The following MIGA2 variants were observed in gnomAD, a reference collection of about 807,000 sequenced individuals.
MIGA2 encodes the protein mitoguardin 2, also known as family with sequence similarity 73, member B.
Under a neutral mutation model 69.9 loss-of-function variants are expected in MIGA2, and 36 were observed. The observed-to-expected ratio is 0.52, with a 90% CI of 0.39 to 0.68. The LOEUF is 0.68. Ranked by LOEUF, MIGA2 falls within the 30% of genes least tolerant of loss-of-function variation. The pLI, the probability that MIGA2 is intolerant of heterozygous loss-of-function variation, is 0.00. For synonymous variants in MIGA2, 333 were observed against 349.2 expected (o/e 0.95, Z 0.52); for missense variants, 660 against 787.7 (o/e 0.84, Z 1.94).
At chr9:129,042,029 C>T (rs758007979) in intron 2 of MIGA2, 2 of 472,616 alleles carry the variant, frequency 4.2e-6, no homozygotes, top group East Asian at 7.5e-5. Flanking sequence ...GGTGCTTGTT[C>T]ACTGCGGCTT....
rs573797409 is a variant in MIGA2 at position 129,059,252 on chromosome 9, C to T, written c.774C>T (p.Asp258=). Residue 258 remains aspartate (D), a synonymous_variant, in exon 7 of 16, where the codon GAC becomes GAT. Transcript: ENST00000684074. The surrounding 1 kb of genome is among the most constrained non-coding windows in gnomAD (Gnocchi z 5.6). ...QEEFGSTFPA[D]SMLLDLERTL... is the part of the protein sequence containing the mutation. ...AGTTCGGCTCCACCTTCCCCGCAGA[C>T]AGCATGCTGCTAGACCTCGGTGAGC... 6 of 1,585,356 alleles carry T rather than the reference C, an allele frequency of 3.8e-6. No homozygotes were observed. The highest frequency in any genetic ancestry group is 5.2e-6 in the Non-Finnish European group (6 of 1,164,558).
At chr9:129,037,973 G>A (rs17508279) in intron 1 of MIGA2, among the ~76,000 whole-genome samples, 1 of 152,280 alleles carries the variant, frequency 6.6e-6, no homozygotes, top group African/African-American at 2.4e-5. Context: ...TGGACCCAAA[G>A]CCTGTCGTGG....
chr9:129,040,459 G>T lies in MIGA2; in HGVS notation c.-136G>T. 5 of 1,411,612 alleles carry T rather than the reference G, an allele frequency of 3.5e-6. No individual in the cohort carries two copies. The highest frequency in any genetic ancestry group is 4.7e-6 in the Non-Finnish European group (5 of 1,071,726). 87.4% of individuals were successfully genotyped at this position (1,411,612 alleles called of 1,614,324 possible). On this transcript the variant is annotated 5_prime_UTR_variant, in exon 2 of 16. Transcript: ENST00000684074. Reference sequence around the variant, plus strand: ...TGGTCATCTGTCTCTTAGCTCTGTGGAGGGGCCCTCTGGTATGTGTGTCCC... The same window carrying T: ...TGGTCATCTGTCTCTTAGCTCTGTGTAGGGGCCCTCTGGTATGTGTGTCCC...
At chr9:129,054,594 C>G (rs1174811582) in intron 6 of MIGA2, among the ~76,000 whole-genome samples, 3 of 152,218 alleles carry the variant, frequency 2.0e-5, no homozygotes. Context: ...ACGGACGTTT[C>G]TAGAAATGGG....
chr9:129,044,669 C>T (rs1845113358), intron 3 of MIGA2, among the ~76,000 whole-genome samples: 1 of 151,774 alleles, frequency 6.6e-6, no homozygotes, highest in Non-Finnish European at 1.5e-5. Flanking sequence ...TCTCCTGCCT[C>T]AGCCTCCCGA....
intron 6 of MIGA2, among the ~76,000 whole-genome samples, chr9:129,055,853 A>C (rs910805950): frequency 1.3e-5 from 2 of 151,810 alleles, no homozygotes; most frequent in African/African-American, 2.4e-5. Context: ...CATCTGAAAA[A>C]AAAAAAAAAA....
rs935025600 is a variant in MIGA2, at chr9:129,067,867, G to A, written c.1265G>A (p.Arg422Gln). 5.0e-6 allele frequency: 8 copies of A among 1,610,658 alleles called. No homozygotes were observed. Among genetic ancestry groups the A allele is most frequent in the Non-Finnish European group, 5.1e-6 (6 of 1,178,982 alleles). Residue 422 changes from arginine to glutamine, a missense_variant, in exon 12 of 16, where the codon CGA becomes CAA. Physicochemically the swap from Arg to Gln is conservative, Grantham distance 43 (BLOSUM62 1). This residue lies in a region of MIGA2 where 220 missense variants were observed against 301.7 expected (regional missense o/e 0.73). Transcript: ENST00000684074. ...ACAACACGGCTGGAGCTGGAGGGCC[G>A]AGGGGTGAGTTGCTTTGTGCTGAAC... ...WATTRLELEG[R>Q]GVVCMSFFDI...
At chr9:129,049,751 C>T in intron 5 of MIGA2, 76 bp from the exon 6 acceptor site, 2 of 1,604,728 alleles carry the variant, frequency 1.2e-6, no homozygotes, top group East Asian at 2.2e-5. Context: ...CCTCCTGCCT[C>T]CTTGATGTTC....
chr9:129,037,404 G>T (rs1176118730), intron 1 of MIGA2, among the ~76,000 whole-genome samples: 3 of 152,160 alleles, frequency 2.0e-5, no homozygotes, highest in Non-Finnish European at 4.4e-5. Context: ...ACAAGAGATG[G>T]CTGCCCAAGT....
Position 129,067,756 on chromosome 9 carries a change from C to A in MIGA2, c.1171-17C>A, listed in dbSNP as rs768921850. ...GTCTTGTCCAGTGACCAGGATGGGC[C>A]GTGCTTCTCTCCACAGAGCCCCAAA... On this transcript the variant is annotated splice_polypyrimidine_tract_variant and intron_variant, in intron 11 of 15. Transcript: ENST00000684074. 1.2e-6 allele frequency: 2 copies of A among 1,600,472 alleles called. No individual in the cohort carries two copies. The highest frequency in any genetic ancestry group is 2.2e-5 in the East Asian group (1 of 44,556).
At chr9:129,039,209 G>GTGTGTGTT (rs1236445973) in intron 1 of MIGA2, among the ~76,000 whole-genome samples, 3 of 149,532 alleles carry the variant, frequency 2.0e-5, no homozygotes, top group Admixed American at 1.3e-4. Flanking sequence ...GTGTGTGTGT[G>GTGTGTGTT]TGTGTGTGTG....
intron 1 of MIGA2, 90 bp from the exon 2 acceptor site, chr9:129,040,362 C>T (rs982049389): frequency 6.4e-5 from 61 of 951,130 alleles, no homozygotes; most frequent in Non-Finnish European, 8.1e-5. Flanking sequence ...TTTGCTCCTG[C>T]CTCCTCCCCC....
At chr9:129,053,645 G>T (rs1355037577) in intron 6 of MIGA2, among the ~76,000 whole-genome samples, 2 of 152,116 alleles carry the variant, frequency 1.3e-5, no homozygotes, top group Non-Finnish European at 2.9e-5. Flanking sequence ...GAGATTACAG[G>T]CATGAGCCAC....
chr9:129,060,751 C>A lies in MIGA2; in HGVS notation c.894+101C>A. 1 of 1,015,248 alleles carries A rather than the reference C, an allele frequency of 9.8e-7. No homozygotes were observed. The highest frequency in any genetic ancestry group is 1.4e-6 in the Non-Finnish European group (1 of 691,464). 62.9% of individuals were successfully genotyped at this position (1,015,248 alleles called of 1,614,324 possible). A position where few individuals can be genotyped will look rare whatever the true frequency, so the allele number is the denominator to read the frequency against. ...GGGTCATGGGAAAGTGGAGGCATTT[C>A]CTCTGATGGGAGAATTTGGATGCTC... On this transcript the variant is annotated intron_variant, in intron 8 of 15. Transcript: ENST00000684074. This position sits in a 1 kb window ranked among gnomAD's most constrained non-coding sequence, Gnocchi z 4.8.
intron 6 of MIGA2, among the ~76,000 whole-genome samples, chr9:129,057,292 T>TTTG (rs916990873): frequency 6.6e-6 from 1 of 151,788 alleles, no homozygotes; most frequent in African/African-American, 2.4e-5. Context: ...ATATATAAAT[T>TTTG]TTGTTGTTGT....
intron 11 of MIGA2, 128 bp downstream of exon 11, chr9:129,063,759 A>T (rs770428057): frequency 8.5e-6 from 7 of 821,436 alleles, no homozygotes; most frequent in Non-Finnish European, 1.3e-5. Flanking sequence ...CGTTCTGTAG[A>T]CTCTGCAACC....
intron 6 of MIGA2, chr9:129,051,473 TCAC>T (rs1414293023): frequency 1.3e-5 from 2 of 151,456 alleles, no homozygotes; most frequent in Non-Finnish European, 2.9e-5. Context: ...AGACGGGGTT[TCAC>T]CATGTTGGCC....
intron 11 of MIGA2, chr9:129,067,500 G>T: frequency 2.2e-6 from 1 of 448,080 alleles, no homozygotes; most frequent in Non-Finnish European, 4.0e-6. Context: ...CACATTCTGT[G>T]TCCCTCCAAA....
intron 3 of MIGA2, among the ~76,000 whole-genome samples, chr9:129,045,582 A>T (rs187188849): frequency 4.6e-5 from 7 of 151,450 alleles, no homozygotes; most frequent in Non-Finnish European, 1.0e-4. Flanking sequence ...GCATAGAGAG[A>T]CCCTGTCTCT....
Sources: gnomAD v4.1 joint callset for allele counts (sites outside exome capture counted in the v4.1 genomes callset) on GRCh38, gnomAD v4.1.1 for gene constraint, gnomAD v4.1.1 regional missense constraint, Gnocchi (gnomAD v3.1) non-coding constraint, MANE v1.5 for transcripts, NCBI Gene and HGNC (gene_info 2026-07-23, HGNC 2026-07-21) for gene names.